Variants in NRG1 observed in about 807,000 individuals in gnomAD.
The protein encoded by NRG1 is pro-neuregulin-1, membrane-bound isoform.
Under a neutral mutation model 63.8 loss-of-function variants are expected in NRG1, and 18 were observed. That is an observed-to-expected ratio of 0.28 (90% CI 0.19 to 0.42). NRG1 has a LOEUF of 0.42. Among genes scored for constraint, NRG1 ranks in the 10% least tolerant of loss-of-function variants. The pLI, the probability that NRG1 is intolerant of heterozygous loss-of-function variation, is 1.00. For missense variants in NRG1, 762 were observed against 814.7 expected (o/e 0.94, Z 0.79); for synonymous variants, 302 against 301.3 (o/e 1.00, Z -0.02).
At chr8:32,237,267 CTA>C (rs1225145244) in intron 1 of NRG1, among the ~76,000 whole-genome samples, 4 of 152,124 alleles carry the variant, frequency 2.6e-5, no homozygotes, top group Non-Finnish European at 5.9e-5. Flanking sequence ...TTGCAAAGCT[CTA>C]TATGTTTCCT....
intron 1 of NRG1, among the ~76,000 whole-genome samples, chr8:32,262,802 TAAG>T (rs775658591): frequency 1.7e-4 from 26 of 152,176 alleles, no homozygotes; most frequent in Non-Finnish European, 3.1e-4. Flanking sequence ...TTGAAAAAGT[TAAG>T]AATATATTAA....
Position 31,690,793 on chromosome 8 carries a change from G to A in NRG1, c.37+51362G>A, listed in dbSNP as rs117560333. On this transcript the variant is annotated intron_variant, in intron 1 of 10. Transcript: ENST00000519301. ...AGTTGCCATCAACTGAAATAAGGAA[G>A]GCTATGATGAGCAGGTTTGGTAGAG... is the stretch of plus-strand genomic sequence containing the variant. 3.2e-4 allele frequency among the ~76,000 whole-genome samples: 48 copies of A among 152,290 alleles called. No homozygotes were observed. The East Asian group carries it at 9.3e-3, about 29-fold the overall frequency.
intron 1 of NRG1, among the ~76,000 whole-genome samples, chr8:31,964,373 C>A (rs144578516): frequency 1.3e-5 from 2 of 152,156 alleles, no homozygotes; most frequent in African/African-American, 2.4e-5. Flanking sequence ...GAGAAGCTTA[C>A]TATAAAGAGC....
intron 1 of NRG1, among the ~76,000 whole-genome samples, chr8:32,375,046 A>G (rs1809436994): frequency 1.3e-5 from 2 of 152,178 alleles, no homozygotes; most frequent in African/African-American, 4.8e-5. Context: ...GCAGTGGCGA[A>G]GTCTTGGATC....
intron 5 of NRG1, among the ~76,000 whole-genome samples, chr8:32,704,732 C>A (rs1489896472): frequency 1.3e-5 from 2 of 152,166 alleles, no homozygotes; most frequent in African/African-American, 4.8e-5. Context: ...TTTAAGTATT[C>A]CTTCTTGGAA....
intron 1 of NRG1, among the ~76,000 whole-genome samples, chr8:32,364,661 T>A (rs1482343233): frequency 6.6e-6 from 1 of 152,178 alleles, no homozygotes; most frequent in Non-Finnish European, 1.5e-5. Flanking sequence ...TCTTTTCCTA[T>A]ATGGGTTATT....
At chr8:31,696,530 A>T (rs941541191) in intron 1 of NRG1, among the ~76,000 whole-genome samples, 2 of 152,156 alleles carry the variant, frequency 1.3e-5, no homozygotes, top group Non-Finnish European at 2.9e-5. Flanking sequence ...AAAGTGTCAG[A>T]CCTTACACAG....
At chr8:31,838,156 T>C (rs904556785) in intron 1 of NRG1, among the ~76,000 whole-genome samples, 7 of 152,254 alleles carry the variant, frequency 4.6e-5, no homozygotes, top group Middle Eastern at 3.4e-3. Context: ...ATATTTGGAA[T>C]TTATTCTAAA....
chr8:32,563,472 G>T (rs187087029), intron 1 of NRG1, among the ~76,000 whole-genome samples: 4 of 152,290 alleles, frequency 2.6e-5, no homozygotes, highest in South Asian at 4.1e-4. Flanking sequence ...GTATATTTGG[G>T]AATTACTAGT....
At chr8:31,764,574 C>T (rs1347000635) in intron 1 of NRG1, among the ~76,000 whole-genome samples, 2 of 152,110 alleles carry the variant, frequency 1.3e-5, no homozygotes, top group African/African-American at 4.8e-5. Flanking sequence ...TTTTTCTCCT[C>T]ATATGAATTT....
intron 1 of NRG1, among the ~76,000 whole-genome samples, chr8:32,050,197 A>G (rs973803749): frequency 1.3e-5 from 2 of 152,288 alleles, no homozygotes; most frequent in Admixed American, 1.3e-4. Flanking sequence ...GAAAAATTTA[A>G]AAGACATTGC....
intron 1 of NRG1, among the ~76,000 whole-genome samples, chr8:31,974,811 CT>C (rs1439074293): frequency 4.6e-5 from 7 of 152,312 alleles, no homozygotes; most frequent in Non-Finnish European, 1.0e-4. Flanking sequence ...CTGATTGGAT[CT>C]TTTGTACACA....
chr8:32,008,579 A>G (rs1814191804), intron 1 of NRG1, among the ~76,000 whole-genome samples: 1 of 152,036 alleles, frequency 6.6e-6, no homozygotes, highest in Non-Finnish European at 1.5e-5. Flanking sequence ...TGTGTTAGAC[A>G]ATTAAGAAGA....
exon 1 of NRG1, chr8:32,548,563 T>C (rs1833411350): frequency 7.9e-7 from 1 of 1,265,006 alleles, no homozygotes; most frequent in African/African-American, 1.6e-5. Flanking sequence ...CGCGCCGCGC[T>C]CCCTGCAGGC....
chr8:31,864,642 A>G (rs1156675427), intron 1 of NRG1, among the ~76,000 whole-genome samples: 1 of 152,170 alleles, frequency 6.6e-6, no homozygotes, highest in Non-Finnish European at 1.5e-5. Context: ...AATAAGAATG[A>G]AAGATGGTCA....
chr8:32,762,837 A>G (rs1564136681), intron 11 of NRG1, among the ~76,000 whole-genome samples: 1 of 152,186 alleles, frequency 6.6e-6, no homozygotes, highest in Non-Finnish European at 1.5e-5. Flanking sequence ...GGGGGAAGAA[A>G]GCATGGTGTG....
intron 1 of NRG1, among the ~76,000 whole-genome samples, chr8:32,175,125 G>T (rs1462683555): frequency 2.0e-5 from 3 of 152,168 alleles, no homozygotes; most frequent in South Asian, 2.1e-4. Flanking sequence ...TCAAAAAGCT[G>T]ATCCACCATG....
intron 1 of NRG1, among the ~76,000 whole-genome samples, chr8:32,219,456 G>A (rs1301369032): frequency 6.6e-6 from 1 of 152,134 alleles, no homozygotes; most frequent in African/African-American, 2.4e-5. Context: ...TAAAATCACT[G>A]TCATTTCTAT....
intron 1 of NRG1, among the ~76,000 whole-genome samples, chr8:31,869,838 A>T (rs1296542357): frequency 6.6e-6 from 1 of 152,206 alleles, no homozygotes; most frequent in South Asian, 2.1e-4. Context: ...TGCATTGAAC[A>T]TGCGCATCCA....
Sources: allele counts gnomAD v4.1 joint callset (sites outside exome capture counted in the v4.1 genomes callset), GRCh38; gene constraint gnomAD v4.1.1; transcripts MANE v1.5; gene names NCBI Gene and HGNC (gene_info 2026-07-23, HGNC 2026-07-21).